ZNF536: variants seen among roughly 807,000 people sequenced by gnomAD.
The protein encoded by ZNF536 is zinc finger protein 536.
ZNF536 carries 13 observed loss-of-function variants against 84.5 expected under a neutral mutation model. The observed-to-expected ratio is 0.15, with a 90% CI of 0.10 to 0.24. The LOEUF is 0.24. Among genes scored for constraint, ZNF536 ranks in the 10% least tolerant of loss-of-function variants. The probability of loss-of-function intolerance (pLI) is 1.00; values close to 1 mark genes in which losing one functional copy is unlikely to be tolerated. For synonymous variants in ZNF536, 811 were observed against 742.5 expected, an observed-to-expected ratio of 1.09 and a Z score of -1.50; for missense variants, 1,536 against 1,747.5, an observed-to-expected ratio of 0.88 and a Z score of 2.16.
intron 2 of ZNF536, among the ~76,000 whole-genome samples, chr19:30,489,477 G>T (rs1815539135): frequency 6.6e-6 from 1 of 152,138 alleles, no homozygotes; most frequent in Non-Finnish European, 1.5e-5. Flanking sequence ...AGCTGCTAGG[G>T]AAGGTGAGGT....
rs2046941362 is a variant in ZNF536, at chr19:30,582,136, G to A, written c.169+32622G>A. 2.0e-5 allele frequency among the ~76,000 whole-genome samples: 3 copies of A among 152,088 alleles called. No individual in the cohort carries two copies. In the South Asian group the frequency reaches 6.2e-4, roughly 32 times the overall value. On this transcript the variant is annotated intron_variant, in intron 1 of 1. Coordinates refer to the ZNF536 transcript ENST00000592773. ...TAGCAAAGACTCACTTTCAGCTCTG[G>A]AAGCTTTGGCTGGCAGCTGGGAAAA...
chr19:30,336,972 G>A (rs1217379686), intron 2 of ZNF536, among the ~76,000 whole-genome samples: 1 of 152,030 alleles, frequency 6.6e-6, no homozygotes, highest in African/African-American at 2.4e-5. Context: ...ATCTGGGTTG[G>A]GTCTCAGCCG....
At chr19:30,303,888 G>A (rs779491084) in intron 2 of ZNF536, among the ~76,000 whole-genome samples, 21 of 152,150 alleles carry the variant, frequency 1.4e-4, no homozygotes, top group Non-Finnish European at 2.5e-4. Flanking sequence ...CAGCATCCAC[G>A]ACTCTGCCTG....
At chr19:30,499,287 A>T (rs1186931248) in intron 2 of ZNF536, among the ~76,000 whole-genome samples, 1 of 152,138 alleles carries the variant, frequency 6.6e-6, no homozygotes, top group East Asian at 1.9e-4. Context: ...GTATGTATCT[A>T]TCTTTGCATC....
chr19:30,233,413 C>G (rs576243640), intron 1 of ZNF536, among the ~76,000 whole-genome samples: 1 of 151,640 alleles, frequency 6.6e-6, no homozygotes, highest in Non-Finnish European at 1.5e-5. Flanking sequence ...GGTGCAATCA[C>G]GGCTCACTGT....
chr19:30,346,365 G>A (rs1033949558), intron 2 of ZNF536, among the ~76,000 whole-genome samples: 5 of 151,984 alleles, frequency 3.3e-5, no homozygotes, highest in Non-Finnish European at 7.4e-5. Flanking sequence ...TTAAGTTCAG[G>A]GGTACCTGTG....
intron 1 of ZNF536, among the ~76,000 whole-genome samples, chr19:30,249,444 C>A (rs1467725607): frequency 1.3e-5 from 2 of 152,196 alleles, no homozygotes; most frequent in East Asian, 3.9e-4. Flanking sequence ...ACTTCCCTTG[C>A]ATTGTTTTTT....
At chr19:30,421,929 G>A (rs948510582) in intron 1 of ZNF536, among the ~76,000 whole-genome samples, 1 of 152,066 alleles carries the variant, frequency 6.6e-6, no homozygotes, top group Non-Finnish European at 1.5e-5. Context: ...CTTTAATTTA[G>A]AGCAAGTGAT....
At chr19:30,699,206 A>T (rs1341777181) in intron 1 of ZNF536, among the ~76,000 whole-genome samples, 1 of 152,176 alleles carries the variant, frequency 6.6e-6, no homozygotes, top group Non-Finnish European at 1.5e-5. Context: ...CATTTCTCCA[A>T]GGAGCCCTGG....
intron 1 of ZNF536, among the ~76,000 whole-genome samples, chr19:30,612,322 T>C (rs1381260306): frequency 2.0e-5 from 3 of 152,154 alleles, no homozygotes; most frequent in African/African-American, 7.2e-5. Flanking sequence ...AGTAATTAGA[T>C]TTCAGGCAAG....
At chr19:30,659,070 A>T (rs891776253) in intron 1 of ZNF536, among the ~76,000 whole-genome samples, 2 of 152,126 alleles carry the variant, frequency 1.3e-5, no homozygotes, top group Non-Finnish European at 1.5e-5. Flanking sequence ...TTTCTCAGAG[A>T]TTCTTGAACT....
At chr19:30,602,981 A>G (rs2047742762) in intron 1 of ZNF536, among the ~76,000 whole-genome samples, 1 of 152,228 alleles carries the variant, frequency 6.6e-6, no homozygotes, top group Non-Finnish European at 1.5e-5. Flanking sequence ...ATTAGACGCC[A>G]GAGTGAGAGA....
At chr19:30,431,100 T>C (rs2051438826) in intron 1 of ZNF536, among the ~76,000 whole-genome samples, 1 of 152,204 alleles carries the variant, frequency 6.6e-6, no homozygotes, top group Admixed American at 6.5e-5. Context: ...TCTTTGTCCC[T>C]GGAATCCATC....
intron 2 of ZNF536, among the ~76,000 whole-genome samples, chr19:30,451,096 C>CGAGAGCT (rs2148311092): frequency 6.6e-6 from 1 of 152,362 alleles, no homozygotes; most frequent in Non-Finnish European, 1.5e-5. Flanking sequence ...AGCTGAGAGC[C>CGAGAGCT]GAGAGCTGAG....
chr19:30,300,056 A>G (rs1331978328), intron 2 of ZNF536, among the ~76,000 whole-genome samples: 2 of 152,192 alleles, frequency 1.3e-5, no homozygotes, highest in East Asian at 1.9e-4. Context: ...GGCACCAAAT[A>G]TTGGAAATGG....
chr19:30,445,413 G>A lies in ZNF536; in HGVS notation c.1851G>A (p.Glu617=), dbSNP rs1233749841. 5.6e-6 allele frequency: 9 copies of A among 1,614,054 alleles called. No homozygotes were observed. The highest frequency in any genetic ancestry group is 1.3e-5 in the African/African-American group (1 of 74,936). The change falls in exon 2 of 5, where the codon GAG becomes GAA. Residue 617 remains glutamate, a synonymous_variant. Transcript: ENST00000355537. The surrounding 1 kb of genome is among the most constrained non-coding windows in gnomAD (Gnocchi z 4.5). The part of the protein sequence containing the change: ...FLSHGLNQTL[E]YNLQGPGNMK... ...CACACGGGCTGAACCAGACTCTCGA[G>A]TATAACCTGCAGGGTCCTGGGAACA... is the stretch of plus-strand genomic sequence containing the variant.
At position 30,444,556 on chromosome 19, in the gene ZNF536, C is replaced by G. The variant is rs2148188537; in HGVS notation, c.994C>G (p.Gln332Glu). The G allele has an allele frequency of 6.2e-7, 1 of 1,613,604 alleles. No individual in the cohort carries two copies. Among genetic ancestry groups the G allele is most frequent in the Non-Finnish European group, 8.5e-7 (1 of 1,179,960 alleles). ...AHITAESAQG[Q>E]GPNGGGEQSA... ...CATCACGGCCGAGTCGGCCCAGGGC[C>G]AGGGCCCCAACGGCGGTGGCGAGCA... is the stretch of plus-strand genomic sequence containing the variant. The change falls in exon 2 of 5, where the codon CAG becomes GAG. Residue 332 changes from glutamine to glutamate, a missense_variant. Gln to Glu is a conservative substitution (Grantham distance 29). Around this residue, in one of 8 missense-constraint regions of ZNF536, gnomAD observed 61 missense variants for 104.0 expected, o/e 0.59. Transcript: ENST00000355537.
intron 1 of ZNF536, among the ~76,000 whole-genome samples, chr19:30,416,133 T>C (rs977594148): frequency 9.2e-5 from 14 of 152,232 alleles, no homozygotes; most frequent in Admixed American, 9.2e-4. Context: ...AAAGAAAATA[T>C]ATGCAATCAA....
intron 1 of ZNF536, among the ~76,000 whole-genome samples, chr19:30,687,371 C>T (rs2051231625): frequency 2.0e-5 from 3 of 152,140 alleles, no homozygotes; most frequent in Non-Finnish European, 4.4e-5. Flanking sequence ...TACTGGGCTC[C>T]CTTCTTAGTG....
Sources: allele counts gnomAD v4.1 joint callset (sites outside exome capture counted in the v4.1 genomes callset), GRCh38; gene constraint gnomAD v4.1.1; regional missense constraint gnomAD v4.1.1; non-coding constraint Gnocchi (gnomAD v3.1); transcripts MANE v1.5; gene names NCBI Gene and HGNC (gene_info 2026-07-23, HGNC 2026-07-21).